Variants in CACNA2D3 observed in about 807,000 individuals in gnomAD.
The protein encoded by CACNA2D3 is voltage-dependent calcium channel subunit alpha-2/delta-3.
CACNA2D3 carries 60 observed loss-of-function variants against 160.6 expected under a neutral mutation model. That is an observed-to-expected ratio of 0.37 (90% CI 0.30 to 0.46). CACNA2D3 has a LOEUF of 0.46. Ranked by LOEUF, CACNA2D3 falls within the 20% of genes least tolerant of loss-of-function variation. The pLI is 1.00. For synonymous variants in CACNA2D3, 558 were observed against 492.9 expected (o/e 1.13, Z -1.75); for missense variants, 1,205 against 1,365.0 (o/e 0.88, Z 1.85).
At chr3:54,207,551 C>T (rs966260338) in intron 2 of CACNA2D3, among the ~76,000 whole-genome samples, 1 of 152,198 alleles carries the variant, frequency 6.6e-6, no homozygotes, top group African/African-American at 2.4e-5. Context: ...CTTGCACAAA[C>T]CCACTGCTAA....
chr3:54,729,980 C>T (rs1161269520), intron 11 of CACNA2D3, among the ~76,000 whole-genome samples: 2 of 121,898 alleles, frequency 1.6e-5, no homozygotes, highest in East Asian at 2.4e-4. Context: ...ACCTGGACAA[C>T]AGAGCAAGAC....
intron 36 of CACNA2D3, 48 bp downstream of exon 36, chr3:55,073,605 G>T (rs931941728): frequency 1.4e-6 from 2 of 1,446,812 alleles, no homozygotes; most frequent in Admixed American, 1.7e-5. Context: ...AACCAGTAAG[G>T]GGTATCAGTG....
chr3:54,353,900 A>G (rs1698606239), intron 3 of CACNA2D3, among the ~76,000 whole-genome samples: 4 of 152,172 alleles, frequency 2.6e-5, no homozygotes, highest in Non-Finnish European at 4.4e-5. Flanking sequence ...AAGGAGAACT[A>G]TTCTTCCGTT....
At chr3:54,802,955 G>C (rs1416716703) in intron 13 of CACNA2D3, among the ~76,000 whole-genome samples, 3 of 152,220 alleles carry the variant, frequency 2.0e-5, no homozygotes, top group African/African-American at 7.2e-5. Flanking sequence ...AACAGGGTCT[G>C]AAGTGGACCT....
At chr3:55,027,647 T>A (rs1242103767) in intron 35 of CACNA2D3, among the ~76,000 whole-genome samples, 1 of 152,228 alleles carries the variant, frequency 6.6e-6, no homozygotes, top group Non-Finnish European at 1.5e-5. Context: ...TAACTTCAGG[T>A]CAGGGGCAAT....
chr3:54,755,614 C>A (rs545979093), intron 12 of CACNA2D3, among the ~76,000 whole-genome samples: 68 of 152,202 alleles, frequency 4.5e-4, no homozygotes, highest in African/African-American at 1.5e-3. Flanking sequence ...CATTTGGCCT[C>A]ATTTCAGGGA....
intron 11 of CACNA2D3, among the ~76,000 whole-genome samples, chr3:54,687,122 T>TTTTTCTTTTTCTTTTTCTTTTTC (rs1559549364): frequency 4.9e-4 from 11 of 22,358 alleles, no homozygotes; most frequent in African/African-American, 1.9e-3. Flanking sequence ...TTTCTTTTTC[T>TTTTTCTTTTTCTTTTTCTTTTTC]TTTTTTTTTT....
At chr3:54,671,143 A>G (rs997801256) in intron 11 of CACNA2D3, among the ~76,000 whole-genome samples, 4 of 151,878 alleles carry the variant, frequency 2.6e-5, no homozygotes, top group Admixed American at 2.0e-4. Flanking sequence ...CATTTTCACA[A>G]GAAGGCCCAT....
At chr3:54,368,796 G>C (rs1158519127) in intron 3 of CACNA2D3, among the ~76,000 whole-genome samples, 1 of 141,692 alleles carries the variant, frequency 7.1e-6, no homozygotes, top group Non-Finnish European at 1.5e-5. Context: ...CCGCCTCCTG[G>C]GTTCACGCCA....
rs531562594 is a variant in CACNA2D3 at position 54,691,372 on chromosome 3, G to A, written c.1167+49131G>A. 1.4e-4 allele frequency among the ~76,000 whole-genome samples: 21 copies of A among 152,232 alleles called. No homozygotes were observed. The East Asian group carries it at 3.5e-3, about 25-fold the overall frequency. ...CTACCAGGGGACTTCCCAATGGCTC[G>A]AAGACTCCATACAAACAGCTGATAT... On this transcript the variant is annotated intron_variant, in intron 11 of 37. Coordinates refer to ENST00000474759, the MANE Select transcript of CACNA2D3 (RefSeq NM_018398.3).
rs578199555 is a variant in CACNA2D3, at chr3:54,659,415, T to C, written c.1167+17174T>C. ...ACAGATATTTATAGTATATCCCTTT[T>C]GTAAGTGAGAAAACTGAGTTGAGAG... On this transcript the variant is annotated intron_variant, in intron 11 of 37. Transcript: ENST00000474759. Among the ~76,000 whole-genome samples, 25 of 152,300 alleles carry C rather than the reference T, an allele frequency of 1.6e-4. No individual in the cohort carries two copies. In the South Asian group the frequency reaches 5.2e-3, roughly 32 times the overall value.
At chr3:54,316,836 A>G (rs1412118779) in intron 2 of CACNA2D3, among the ~76,000 whole-genome samples, 2 of 152,328 alleles carry the variant, frequency 1.3e-5, no homozygotes, top group Non-Finnish European at 2.9e-5. Context: ...CTAGAAGTCT[A>G]TTGGGAGAGA....
At chr3:54,309,459 A>G (rs1356612740) in intron 2 of CACNA2D3, among the ~76,000 whole-genome samples, 1 of 152,166 alleles carries the variant, frequency 6.6e-6, no homozygotes, top group Non-Finnish European at 1.5e-5. Context: ...TAGACAGTAA[A>G]ACAGGAGAGG....
intron 16 of CACNA2D3, among the ~76,000 whole-genome samples, chr3:54,841,978 A>C (rs1698829593): frequency 6.6e-6 from 1 of 152,334 alleles, no homozygotes; most frequent in East Asian, 1.9e-4. Context: ...GGCACTGTAC[A>C]TTAGAATGGA....
At chr3:54,494,389 T>C (rs558774426) in intron 4 of CACNA2D3, among the ~76,000 whole-genome samples, 4 of 152,304 alleles carry the variant, frequency 2.6e-5, no homozygotes, top group South Asian at 2.1e-4. Context: ...ATGAGCGCCA[T>C]TGAGCAAAAT....
Position 54,735,991 on chromosome 3 carries a change from A to T in CACNA2D3, c.1168-16608A>T, listed in dbSNP as rs1164770741. Among the ~76,000 whole-genome samples the T allele has an allele frequency of 4.1e-3, 427 of 104,986 alleles. 22 individuals carry two copies. Among genetic ancestry groups the T allele is most frequent in the Non-Finnish European group, 5.8e-3 (284 of 49,352 alleles). The allele number at this position is 104,986 out of a possible 152,430, so 68.9% of individuals were successfully genotyped here. ...TATTTTTCCATGCATGTATATATATATACATATATATATATGTATATATAT... is the reference window on the plus strand; with the variant it reads ...TATTTTTCCATGCATGTATATATATTTACATATATATATATGTATATATAT... On this transcript the variant is annotated intron_variant, in intron 11 of 37. Transcript: ENST00000474759.
intron 9 of CACNA2D3, among the ~76,000 whole-genome samples, chr3:54,605,624 T>A (rs1015677564): frequency 6.6e-6 from 1 of 152,184 alleles, no homozygotes; most frequent in Admixed American, 6.5e-5. Context: ...TAAATATCTT[T>A]AAATTTATTT....
intron 2 of CACNA2D3, among the ~76,000 whole-genome samples, chr3:54,306,809 A>G (rs1370246522): frequency 6.6e-6 from 1 of 152,172 alleles, no homozygotes; most frequent in East Asian, 1.9e-4. Flanking sequence ...AGGCTATGTT[A>G]CTGTGTGTGT....
At chr3:54,490,241 A>G (rs764803256) in intron 4 of CACNA2D3, among the ~76,000 whole-genome samples, 1 of 152,218 alleles carries the variant, frequency 6.6e-6, no homozygotes, top group Admixed American at 6.5e-5. Context: ...ATTCGATCAC[A>G]GAAAGACCTG....
Sources: gnomAD v4.1 joint callset for allele counts (sites outside exome capture counted in the v4.1 genomes callset) on GRCh38, gnomAD v4.1.1 for gene constraint, MANE v1.5 for transcripts, NCBI Gene and HGNC (gene_info 2026-07-23, HGNC 2026-07-21) for gene names.